The following DHX58 variants were observed in gnomAD, a reference collection of about 807,000 sequenced individuals.
DHX58 encodes ATP-dependent RNA helicase DHX58.
A neutral mutation model predicts 65.0 loss-of-function variants in DHX58; 51 were observed. The ratio of observed to expected loss-of-function variants is 0.78; its 90% confidence interval spans 0.63 to 0.99. The LOEUF is 0.99. Ranked by LOEUF, DHX58 falls within the 50% of genes least tolerant of loss-of-function variation. DHX58 has a pLI of 0.00. For missense variants in DHX58, 773 were observed against 891.8 expected (o/e 0.87, Z 1.70); for synonymous variants, 350 against 365.0 (o/e 0.96, Z 0.47).
At position 42,101,833 on chromosome 17, in the gene DHX58, C is replaced by T. The variant is rs1399138348; in HGVS notation, c.1965G>A (p.Val655=). ...GRIQAKKWSR[V]PFSVPDFDFL... is the part of the protein sequence containing the mutation. The stretch of plus-strand genomic sequence containing the variant: ...AGTCAAAGTCAGGCACGGAGAAGGG[C>T]ACGCGGGACCACTTTTTGGCCTGGA... Residue 655 remains valine, a synonymous_variant, in exon 14 of 14, where the codon GTG becomes GTA. Transcript: ENST00000251642. The T allele has an allele frequency of 1.2e-6, 2 of 1,614,134 alleles. No homozygotes were observed. The highest frequency in any genetic ancestry group is 1.7e-6 in the Non-Finnish European group (2 of 1,180,062).
chr17:42,111,321 C>T lies in DHX58; in HGVS notation c.345G>A (p.Glu115=). 6.2e-7 allele frequency: 1 copy of T among 1,613,668 alleles called. No individual in the cohort carries two copies. Among genetic ancestry groups the T allele is most frequent in the Non-Finnish European group, 8.5e-7 (1 of 1,179,606 alleles). The change falls in exon 4 of 14, where the codon GAG becomes GAA. Residue 115 remains glutamate (E), a synonymous_variant. Transcript: ENST00000251642. The part of the protein sequence containing the change: ...ELLQMALTSP[E]EEEHVELTVF... ...CAGTGAGCTCCACGTGCTCCTCCTC[C>T]TCGGGGCTGGTCAGTGCCATCTGCA...
In DHX58 at chr17:42,110,799, T is replaced by TGG; in HGVS notation, c.483_484dup (p.Gln162ProfsTer73). Reference sequence around the variant, plus strand: ...TGGGGAGGCTGTGAGACCCAGCACCTGGGGTAGCGGCTGTGCCCTCTGGAG... The same window carrying TGG: ...TGGGGAGGCTGTGAGACCCAGCACCTGGGGGGTAGCGGCTGTGCCCTCTGGAG... On this transcript the variant is annotated frameshift_variant, in exon 5 of 14. Coordinates refer to ENST00000251642, the MANE Select transcript of DHX58 (RefSeq NM_024119.3). LOFTEE classifies it high-confidence loss of function. The TGG allele has an allele frequency of 6.2e-7, 1 of 1,613,860 alleles. No homozygotes were observed.
Position 42,107,665 on chromosome 17 carries a change from C to T in DHX58, c.936G>A (p.Arg312=). The T allele has an allele frequency of 4.3e-6, 7 of 1,613,452 alleles. No individual in the cohort carries two copies. The highest frequency in any genetic ancestry group is 5.9e-6 in the Non-Finnish European group (7 of 1,179,766). Residue 312 remains arginine (R), a synonymous_variant, in exon 8 of 14, where the codon AGG becomes AGA. Transcript: ENST00000251642. ...GGATCTGGGTTTTAGTGACGTGCTCCCTGTGATAGAAATCCTGCAGCGCAG... is the reference window on the plus strand; with the variant it reads ...GGATCTGGGTTTTAGTGACGTGCTCTCTGTGATAGAAATCCTGCAGCGCAG... ...ALAALQDFYH[R]EHVTKTQILC...
In DHX58 at chr17:42,101,717, C is replaced by T. The variant is rs1468812756; in HGVS notation, c.*44G>A. On this transcript the variant is annotated 3_prime_UTR_variant, in exon 14 of 14. Coordinates refer to ENST00000251642, the MANE Select transcript of DHX58 (RefSeq NM_024119.3). Reference sequence around the variant, plus strand: ...GGGCCTGGAGTCTGCTGCAGACTCTCCCGCCCCCTACAGCCCAAACCGGGC... The same window carrying T: ...GGGCCTGGAGTCTGCTGCAGACTCTTCCGCCCCCTACAGCCCAAACCGGGC... 4 of 1,600,938 alleles carry T rather than the reference C, an allele frequency of 2.5e-6. No individual in the cohort carries two copies. Among genetic ancestry groups the T allele is most frequent in the Non-Finnish European group, 3.4e-6 (4 of 1,171,626 alleles).
intron 8 of DHX58, among the ~76,000 whole-genome samples, chr17:42,107,077 C>T (rs1206714818): frequency 2.0e-5 from 3 of 152,020 alleles, no homozygotes; most frequent in African/African-American, 7.2e-5. Context: ...TTTAAAAAAT[C>T]TGGGCCGGGC....
chr17:42,103,554 G>T (rs1381265444), intron 12 of DHX58, 54 bp downstream of exon 12: 62 of 1,597,714 alleles, frequency 3.9e-5, no homozygotes, highest in Non-Finnish European at 5.1e-5. Flanking sequence ...AGCACTGTCT[G>T]GATGGGAAGG....
At chr17:42,106,735 G>A (rs2143997428) in intron 8 of DHX58, among the ~76,000 whole-genome samples, 1 of 152,194 alleles carries the variant, frequency 6.6e-6, no homozygotes, top group South Asian at 2.1e-4. Context: ...AGGAGGGGGA[G>A]GTTGTAGTGA....
chr17:42,101,724 C>G lies in DHX58; in HGVS notation c.*37G>C. 2.5e-6 allele frequency: 4 copies of G among 1,604,694 alleles called. No individual in the cohort carries two copies. Among genetic ancestry groups the G allele is most frequent in the South Asian group, 1.1e-5 (1 of 90,566 alleles). ...GAGTCTGCTGCAGACTCTCCCGCCC[C>G]CTACAGCCCAAACCGGGCACTGCAG... On this transcript the variant is annotated 3_prime_UTR_variant, in exon 14 of 14. Transcript: ENST00000251642.
At chr17:42,103,337 TGTGTGG>T in intron 12 of DHX58, 1 of 489,260 alleles carries the variant, frequency 2.0e-6, no homozygotes, top group East Asian at 4.0e-5. Flanking sequence ...AGAGGGTCAA[TGTGTGG>T]TCTTTTGACA....
chr17:42,108,418 G>A lies in DHX58; in HGVS notation c.679-310C>T, dbSNP rs377266098. ...CTCAGCGAGTTTGGGGGGCAGGCAC[G>A]TACTCCACTTGCTATATAACCTGTT... is the stretch of plus-strand genomic sequence containing the variant. On this transcript the variant is annotated intron_variant, in intron 6 of 13. Transcript: ENST00000251642. Among the ~76,000 whole-genome samples the A allele has an allele frequency of 2.1e-3, 327 of 152,300 alleles. 2 individuals carry two copies. The highest frequency in any genetic ancestry group is 7.3e-3 in the African/African-American group (304 of 41,570).
In DHX58 at chr17:42,103,547, A is replaced by G. The variant is rs1231783019; in HGVS notation, c.1754+61T>C. The G allele has an allele frequency of 5.0e-6, 8 of 1,590,824 alleles. No individual in the cohort carries two copies. The African/African-American group carries it at 1.1e-4, about 21-fold the overall frequency. ...CTTTAGCTTCCCAAAGCTTCAAAGC[A>G]CTGTCTGGATGGGAAGGATTCCCAG... On this transcript the variant is annotated intron_variant, in intron 12 of 13. Transcript: ENST00000251642.
At chr17:42,107,453 C>T in intron 8 of DHX58, 151 bp downstream of exon 8, 3 of 829,360 alleles carry the variant, frequency 3.6e-6, no homozygotes, top group Non-Finnish European at 5.4e-6. Flanking sequence ...TCAGTCCTAC[C>T]CATGGCCTTG....
chr17:42,106,186 AAGAGAAAGAGAGAG>A (rs1202521505), intron 8 of DHX58, among the ~76,000 whole-genome samples, 197 bp from the exon 9 acceptor site: 10 of 150,998 alleles, frequency 6.6e-5, no homozygotes, highest in Non-Finnish European at 1.3e-4. Flanking sequence ...GCAAGAAAGC[AAGAGAAAGAGAGAG>A]AGAGAAAGAG....
rs782787781 is a variant in DHX58, at chr17:42,102,323, AG to A, written c.1755-12del. ...ACATTATAGTAGTTCCTGGAGAGGA[AG>A]GGGGGTGGCCACAGCCCTCATTGAC... On this transcript the variant is annotated splice_polypyrimidine_tract_variant and intron_variant, in intron 12 of 13. Transcript: ENST00000251642. 3 of 1,612,670 alleles carry A rather than the reference AG, an allele frequency of 1.9e-6. No homozygotes were observed. Among genetic ancestry groups the A allele is most frequent in the Non-Finnish European group, 2.5e-6 (3 of 1,178,762 alleles).
At chr17:42,112,049 G>T in intron 2 of DHX58, 64 bp downstream of exon 2, 2 of 921,692 alleles carry the variant, frequency 2.2e-6, no homozygotes, top group Non-Finnish European at 3.1e-6. Context: ...ACCCTGCTCT[G>T]CCCAAAAGGG....
In DHX58 at chr17:42,103,770, G is replaced by C. The variant is rs1555662019; in HGVS notation, c.1592C>G (p.Thr531Ser). The C allele has an allele frequency of 6.2e-7, 1 of 1,610,016 alleles. No homozygotes were observed. Among genetic ancestry groups the C allele is most frequent in the South Asian group, 1.1e-5 (1 of 91,032 alleles). ...KIRDLQQAAL[T>S]KRAAQAAQRE... is the part of the protein sequence containing the mutation. ...CTGGGCTGCCTGGGCCGCCCGCTTG[G>C]TCAAGGCTGCCTGCTGCAGATCCCG... Residue 531 changes from threonine (T) to serine (S), a missense_variant, in exon 12 of 14, where the codon ACC becomes AGC. Transcript: ENST00000251642.
intron 6 of DHX58, among the ~76,000 whole-genome samples, chr17:42,108,855 C>T (rs1555663450): frequency 6.6e-6 from 1 of 152,268 alleles, no homozygotes; most frequent in Non-Finnish European, 1.5e-5. Context: ...TCACTCCCTC[C>T]CTCCAGACCA....
intron 8 of DHX58, among the ~76,000 whole-genome samples, chr17:42,106,902 C>T (rs2054070119): frequency 6.6e-6 from 1 of 152,170 alleles, no homozygotes; most frequent in Non-Finnish European, 1.5e-5. Context: ...AGACCAGAAC[C>T]CTCTTCTCCC....
chr17:42,102,150 T>C, intron 13 of DHX58, 66 bp downstream of exon 13: 2 of 1,569,546 alleles, frequency 1.3e-6, no homozygotes, highest in Non-Finnish European at 1.8e-6. Context: ...TAGTGAGGGC[T>C]CCCTGAGGGC....
Sources: gnomAD v4.1 joint callset for allele counts (sites outside exome capture counted in the v4.1 genomes callset) on GRCh38, gnomAD v4.1.1 for gene constraint, MANE v1.5 for transcripts, NCBI Gene and HGNC (gene_info 2026-07-23, HGNC 2026-07-21) for gene names.